Variants in TPTE observed in about 807,000 individuals in gnomAD.
The protein encoded by TPTE is transmembrane phosphatase with tensin homology.
A neutral mutation model predicts 84.1 loss-of-function variants in TPTE; 59 were observed. The observed-to-expected ratio is 0.70, with a 90% CI of 0.57 to 0.87. The LOEUF is 0.87. TPTE is among the 40% of genes least tolerant of loss of function. The pLI is 0.00. For synonymous variants in TPTE, 130 were observed against 223.5 expected (o/e 0.58, Z 3.73); for missense variants, 382 against 659.6 (o/e 0.58, Z 4.61).
intron 4 of TPTE, among the ~76,000 whole-genome samples, chr21:10,539,735 G>T (rs1235522943): frequency 6.6e-6 from 1 of 152,304 alleles, no homozygotes; most frequent in African/African-American, 2.4e-5. Flanking sequence ...TGGAAGGTCG[G>T]GTGCGGTGGC....
chr21:10,597,412 C>CT (rs146272836), intron 20 of TPTE, among the ~76,000 whole-genome samples: 5,682 of 138,070 alleles, frequency 0.041, 1 homozygote, highest in African/African-American at 0.11. Context: ...TTTCTTTTTT[C>CT]TTTTTTTTTT....
intron 17 of TPTE, among the ~76,000 whole-genome samples, chr21:10,579,134 T>C (rs1348264094): frequency 2.0e-5 from 3 of 152,298 alleles, no homozygotes; most frequent in Non-Finnish European, 2.9e-5. Context: ...TCAGCAATTT[T>C]CAAGTATACA....
chr21:10,599,323 G>A (rs1472462546), intron 21 of TPTE, among the ~76,000 whole-genome samples: 12 of 152,406 alleles, frequency 7.9e-5, no homozygotes, highest in African/African-American at 1.9e-4. Flanking sequence ...CTAGATTTCC[G>A]CAGTGGTCTC....
chr21:10,594,096 A>T (rs1366674671), intron 19 of TPTE, among the ~76,000 whole-genome samples: 1 of 152,310 alleles, frequency 6.6e-6, no homozygotes, highest in Non-Finnish European at 1.5e-5. Flanking sequence ...ATGGCAATAA[A>T]CTAAACGTTT....
At chr21:10,540,134 T>A (rs1362831698) in intron 4 of TPTE, among the ~76,000 whole-genome samples, 1 of 152,306 alleles carries the variant, frequency 6.6e-6, no homozygotes, top group South Asian at 2.1e-4. Flanking sequence ...CATGTTAACT[T>A]CTTTGGCACG....
chr21:10,589,094 G>A (rs376649154), intron 17 of TPTE, among the ~76,000 whole-genome samples: 29 of 152,376 alleles, frequency 1.9e-4, no homozygotes, highest in African/African-American at 5.5e-4. Context: ...GAATTCTTGC[G>A]TGGGTCCTTC....
Position 10,596,056 on chromosome 21 carries a change from T to C in TPTE, c.1245T>C (p.Phe415=). 1 of 1,614,082 alleles carries C rather than the reference T, an allele frequency of 6.2e-7. No individual in the cohort carries two copies. The change falls in exon 20 of 24, where the codon TTT becomes TTC. Residue 415 remains phenylalanine, a synonymous_variant. Transcript: ENST00000618007. The stretch of plus-strand genomic sequence containing the variant: ...ATCTCCCTCCAAGACGGATACTCTT[T>C]ATAAAACACTTCATTATTTATTCGA... ...NWNLPPRRIL[F]IKHFIIYSIP...
At chr21:10,576,019 A>C (rs1409326780) in intron 14 of TPTE, among the ~76,000 whole-genome samples, 2 of 152,310 alleles carry the variant, frequency 1.3e-5, no homozygotes, top group Non-Finnish European at 2.9e-5. Context: ...CAGTGTGGCA[A>C]TTCCTCAAAG....
chr21:10,532,848 G>A (rs954302490), intron 3 of TPTE, among the ~76,000 whole-genome samples: 5 of 152,304 alleles, frequency 3.3e-5, no homozygotes, highest in African/African-American at 1.2e-4. Context: ...TGATCCTGTG[G>A]ACTTTATCCT....
intron 17 of TPTE, among the ~76,000 whole-genome samples, chr21:10,588,975 T>C (rs2075415521): frequency 6.6e-6 from 1 of 152,310 alleles, no homozygotes; most frequent in South Asian, 2.1e-4. Flanking sequence ...AACCCAAGCT[T>C]TGAATTGTTT....
chr21:10,550,673 C>T (rs2074556035), intron 7 of TPTE, among the ~76,000 whole-genome samples: 1 of 152,308 alleles, frequency 6.6e-6, no homozygotes, highest in African/African-American at 2.4e-5. Context: ...ATCCCACTCT[C>T]AGCATTGGAC....
intron 10 of TPTE, among the ~76,000 whole-genome samples, chr21:10,564,911 A>G (rs1347235392): frequency 6.6e-6 from 1 of 152,310 alleles, no homozygotes. Context: ...ATGGGGAAAA[A>G]ATGAAAAGCT....
chr21:10,591,487 G>C (rs537390262), intron 18 of TPTE, among the ~76,000 whole-genome samples: 2 of 152,310 alleles, frequency 1.3e-5, no homozygotes, highest in Non-Finnish European at 2.9e-5. Flanking sequence ...AACTGACATC[G>C]TTTGAAAATA....
chr21:10,593,954 CAAACA>C (rs113374522), intron 19 of TPTE, among the ~76,000 whole-genome samples: 15 of 151,828 alleles, frequency 9.9e-5, no homozygotes, highest in East Asian at 3.9e-4. Flanking sequence ...ACCCAAGCCC[CAAACA>C]AAACAAAACA....
At chr21:10,569,872 G>C in intron 13 of TPTE, 126 bp downstream of exon 13, 1 of 1,592,220 alleles carries the variant, frequency 6.3e-7, no homozygotes, top group East Asian at 2.2e-5. Context: ...ATATGCTACT[G>C]TGATAGTGTG....
intron 18 of TPTE, among the ~76,000 whole-genome samples, chr21:10,591,125 C>T (rs995472719): frequency 2.6e-5 from 4 of 152,412 alleles, no homozygotes; most frequent in African/African-American, 7.2e-5. Flanking sequence ...AACAAAGCCT[C>T]TCCTGAATGT....
chr21:10,524,979 T>G (rs531650960), intron 2 of TPTE, among the ~76,000 whole-genome samples: 223 of 152,286 alleles, frequency 1.5e-3, no homozygotes, highest in Admixed American at 2.6e-3. Context: ...CTATGACATT[T>G]TAGGCAGTGT....
chr21:10,531,760 T>G (rs1436617115), intron 3 of TPTE, among the ~76,000 whole-genome samples: 3 of 152,310 alleles, frequency 2.0e-5, no homozygotes, highest in African/African-American at 7.2e-5. Flanking sequence ...TTTCCCACTT[T>G]CAGTCTACAA....
At chr21:10,591,047 ATTCTC>A (rs2075465288) in intron 18 of TPTE, among the ~76,000 whole-genome samples, 2 of 152,306 alleles carry the variant, frequency 1.3e-5, no homozygotes, top group South Asian at 2.1e-4. Flanking sequence ...AATTAGATAA[ATTCTC>A]CAAAGAGCCT....
Sources: allele counts gnomAD v4.1 joint callset (sites outside exome capture counted in the v4.1 genomes callset), GRCh38; gene constraint gnomAD v4.1.1; transcripts MANE v1.5; gene names NCBI Gene and HGNC (gene_info 2026-07-23, HGNC 2026-07-21).